Variants in PHC3 observed in about 807,000 individuals in gnomAD.
PHC3 encodes the protein polyhomeotic-like protein 3.
Under a neutral mutation model 107.4 loss-of-function variants are expected in PHC3, and 13 were observed. The observed-to-expected ratio is 0.12, with a 90% confidence interval of 0.08 to 0.19. The LOEUF is 0.19. PHC3 is among the 10% of genes least tolerant of loss of function. The pLI is 1.00. For missense variants in PHC3, 992 were observed against 1,210.9 expected, an observed-to-expected ratio of 0.82 and a Z score of 2.68; for synonymous variants, 456 against 427.4, an observed-to-expected ratio of 1.07 and a Z score of -0.83.
In PHC3 at chr3:170,089,671, C is replaced by T. The variant is rs1180087169; in HGVS notation, c.*7559G>A. The T allele has an allele frequency of 6.6e-6, 1 of 152,118 alleles. No individual in the cohort carries two copies. The highest frequency in any genetic ancestry group is 1.9e-4 in the East Asian group (1 of 5,196). The allele number at this position is 152,118 out of a possible 1,614,324, so 9.4% of individuals were successfully genotyped here. A position where few individuals can be genotyped will look rare whatever the true frequency, so the allele number is the denominator to read the frequency against. ...GTGGCTCATGCCTGTAATCCCAGCA[C>T]TTAGGGAGGCCAAGGCAGGTGGATC... On this transcript the variant is annotated 3_prime_UTR_variant, in exon 15 of 15. Coordinates refer to ENST00000495893, the MANE Select transcript of PHC3 (RefSeq NM_024947.4).
chr3:170,101,483 T>C (rs201156753), intron 14 of PHC3, among the ~76,000 whole-genome samples: 1 of 152,142 alleles, frequency 6.6e-6, no homozygotes, highest in East Asian at 1.9e-4. Flanking sequence ...TATTAAACTG[T>C]AAAAAGTTAG....
At position 170,158,666 on chromosome 3, in the gene PHC3, C is replaced by T. The variant is rs112731626; in HGVS notation, c.415-9422G>A. ...GATAGGCCAGGCACAGTGGCTCACA[C>T]CTGTAACCCCAGCACTCTGGGAGGC... On this transcript the variant is annotated intron_variant, in intron 4 of 14. Transcript: ENST00000495893. 7.8e-3 allele frequency among the ~76,000 whole-genome samples: 1,189 copies of T among 151,754 alleles called. 15 individuals are homozygous for T. The highest frequency in any genetic ancestry group is 0.026 in the African/African-American group (1,094 of 41,394).
chr3:170,094,735 G>C lies in PHC3; in HGVS notation c.*2495C>G, dbSNP rs1286200995. 6.6e-6 allele frequency: 1 copy of C among 152,132 alleles called. No homozygotes were observed. The highest frequency in any genetic ancestry group is 1.9e-4 in the East Asian group (1 of 5,196). 9.4% of individuals were successfully genotyped at this position (152,132 alleles called of 1,614,324 possible). A position where few individuals can be genotyped will look rare whatever the true frequency, so the allele number is the denominator to read the frequency against. ...CTTGAAAAAAGCAAGTGCATATTTT[G>C]TGTATGTTTTGAGTGGGGACAACAG... On this transcript the variant is annotated 3_prime_UTR_variant, in exon 15 of 15. Transcript: ENST00000495893.
chr3:170,152,098 A>C (rs1414279392), intron 4 of PHC3, among the ~76,000 whole-genome samples: 4 of 152,040 alleles, frequency 2.6e-5, no homozygotes, highest in Admixed American at 6.5e-5. Flanking sequence ...ATAATAGTTA[A>C]ATGTATAAAT....
chr3:170,173,735 T>C (rs1356768162), intron 2 of PHC3, among the ~76,000 whole-genome samples: 2 of 152,098 alleles, frequency 1.3e-5, no homozygotes, highest in East Asian at 3.8e-4. Flanking sequence ...GTATATAGAG[T>C]AAGATACCAT....
rs1169430380 is a variant in PHC3, at chr3:170,136,648, T to C, written c.690A>G (p.Leu230=). The C allele has an allele frequency of 3.7e-6, 6 of 1,613,514 alleles. No homozygotes were observed. The South Asian group carries it at 6.6e-5, about 18-fold the overall frequency. Residue 230 remains leucine (L), a synonymous_variant, in exon 7 of 15, where the codon TTA becomes TTG. Coordinates refer to ENST00000495893, the MANE Select transcript of PHC3 (RefSeq NM_024947.4). ...ATAATACACCCAACTTCTGGCTGCG[T>C]AATGTTAAATTCTGAACCTAAGAAC... ...SAATQVQNLT[L]RSQKLGVLSS...
At chr3:170,175,347 T>A (rs1337086676) in intron 2 of PHC3, among the ~76,000 whole-genome samples, 1 of 152,130 alleles carries the variant, frequency 6.6e-6, no homozygotes, top group African/African-American at 2.4e-5. Flanking sequence ...AAATGGTATA[T>A]TAAGCGATCA....
intron 11 of PHC3, among the ~76,000 whole-genome samples, chr3:170,111,938 T>A (rs1040326495): frequency 6.6e-6 from 1 of 152,136 alleles, no homozygotes; most frequent in Non-Finnish European, 1.5e-5. Context: ...TACTAATACA[T>A]TGAGGATAAT....
rs1160594916 is a variant in PHC3, at chr3:170,136,554, T to A, written c.784A>T (p.Thr262Ser). 6.2e-7 allele frequency: 1 copy of A among 1,613,436 alleles called. No homozygotes were observed. Among genetic ancestry groups the A allele is most frequent in the Non-Finnish European group, 8.5e-7 (1 of 1,179,762 alleles). The part of the protein sequence containing the change: ...TQSLTICHNK[T>S]TVTSSKISQR... ...CTGATTTTAGAACTGGTCACTGTTGTTTTGTTATGACAAATTGTCAATGAC... is the reference window on the plus strand; with the variant it reads ...CTGATTTTAGAACTGGTCACTGTTGATTTGTTATGACAAATTGTCAATGAC... The change falls in exon 7 of 15, where the codon ACA (threonine) becomes TCA (serine). Residue 262 changes from threonine to serine, a missense_variant. Physicochemically the swap from Thr to Ser is moderately conservative, Grantham distance 58. Around this residue, in one of 6 missense-constraint regions of PHC3, gnomAD observed 543 missense variants for 590.8 expected, o/e 0.92. Coordinates refer to ENST00000495893, the MANE Select transcript of PHC3 (RefSeq NM_024947.4).
intron 2 of PHC3, among the ~76,000 whole-genome samples, chr3:170,175,508 T>C (rs1730284072): frequency 6.6e-6 from 1 of 151,746 alleles, no homozygotes; most frequent in Non-Finnish European, 1.5e-5. Flanking sequence ...TAGTCACATG[T>C]GCCTGTAGTC....
intron 9 of PHC3, 111 bp downstream of exon 9, chr3:170,122,480 G>C: frequency 9.1e-7 from 1 of 1,093,324 alleles, no homozygotes; most frequent in Non-Finnish European, 1.4e-6. Flanking sequence ...GTGTGCACCT[G>C]TAGTTCCAGC....
At chr3:170,178,235 C>T (rs140082561) in intron 2 of PHC3, among the ~76,000 whole-genome samples, 1 of 150,828 alleles carries the variant, frequency 6.6e-6, no homozygotes, top group Non-Finnish European at 1.5e-5. Context: ...GCTCCGCCTT[C>T]CGGGTTCACG....
chr3:170,168,616 C>T (rs1474129849), intron 4 of PHC3, among the ~76,000 whole-genome samples: 3 of 151,442 alleles, frequency 2.0e-5, no homozygotes, highest in Non-Finnish European at 2.9e-5. Context: ...TAGCAGGGTG[C>T]GGTGGCGGGC....
At chr3:170,178,269 G>C (rs964763922) in intron 2 of PHC3, among the ~76,000 whole-genome samples, 2 of 149,770 alleles carry the variant, frequency 1.3e-5, no homozygotes, top group African/African-American at 2.5e-5. Flanking sequence ...TCAGCCTCCC[G>C]AGTAGCTGGG....
intron 11 of PHC3, 107 bp downstream of exon 11, chr3:170,113,253 G>T: frequency 9.3e-7 from 1 of 1,079,402 alleles, no homozygotes; most frequent in Non-Finnish European, 1.3e-6. Flanking sequence ...GAAAATAAAA[G>T]TTGAATACTT....
intron 8 of PHC3, among the ~76,000 whole-genome samples, chr3:170,124,193 G>A (rs997928255): frequency 5.3e-5 from 8 of 152,000 alleles, no homozygotes; most frequent in African/African-American, 1.9e-4. Flanking sequence ...ACTTCTAGAG[G>A]TTGACATGGG....
rs528758679 is a variant in PHC3, at chr3:170,127,295, T to C, written c.1788+1389A>G. On this transcript the variant is annotated intron_variant, in intron 8 of 14. Transcript: ENST00000495893. ...GATTCTCCTGCCTCAGCATCCCGAG[T>C]AGCTGGGATTACAGGCATGGCCACC... 7.9e-5 allele frequency among the ~76,000 whole-genome samples: 12 copies of C among 152,246 alleles called. No individual in the cohort carries two copies. The South Asian group carries it at 2.5e-3, about 32-fold the overall frequency.
At chr3:170,123,427 C>CTTAT (rs1720737677) in intron 8 of PHC3, among the ~76,000 whole-genome samples, 1 of 150,706 alleles carries the variant, frequency 6.6e-6, no homozygotes, top group Non-Finnish European at 1.5e-5. Context: ...ATGTTCCATA[C>CTTAT]TTATGGGAGA....
chr3:170,105,431 T>A (rs985898701), intron 12 of PHC3, among the ~76,000 whole-genome samples: 1 of 152,228 alleles, frequency 6.6e-6, no homozygotes, highest in East Asian at 1.9e-4. Context: ...ATTTTGGAAA[T>A]AACCTATACG....
Sources: gnomAD v4.1 joint callset for allele counts (sites outside exome capture counted in the v4.1 genomes callset) on GRCh38, gnomAD v4.1.1 for gene constraint, gnomAD v4.1.1 regional missense constraint, MANE v1.5 for transcripts, NCBI Gene and HGNC (gene_info 2026-07-23, HGNC 2026-07-21) for gene names.